The following TICAM1 variants were observed in gnomAD, a reference collection of about 807,000 sequenced individuals.
TICAM1 encodes the protein TIR domain containing adaptor molecule 1, also known as TIR domain-containing adapter molecule 1.
For missense variants in TICAM1, 895 were observed against 938.2 expected (o/e 0.95, Z 0.60); for synonymous variants, 439 against 415.4 (o/e 1.06, Z -0.69).
chr19:4,828,705 T>C (rs1253339394), intron 1 of TICAM1, among the ~76,000 whole-genome samples: 1 of 139,322 alleles, frequency 7.2e-6, no homozygotes, highest in African/African-American at 2.8e-5. Context: ...AGATAATCTT[T>C]TTTTTTTTTT....
intron 1 of TICAM1, among the ~76,000 whole-genome samples, chr19:4,819,466 G>A (rs943458885): frequency 1.3e-5 from 2 of 152,216 alleles, no homozygotes; most frequent in African/African-American, 4.8e-5. Flanking sequence ...TGTGGAGGCT[G>A]TGTGCCTAAT....
At position 4,817,736 on chromosome 19, in the gene TICAM1, G is replaced by A. The variant is rs762106344; in HGVS notation, c.642C>T (p.Thr214=). 1.2e-6 allele frequency: 2 copies of A among 1,601,832 alleles called. No homozygotes were observed. The highest frequency in any genetic ancestry group is 1.3e-5 in the African/African-American group (1 of 74,976). ...ASNLEISQSP[T]MPFLSLHRSP... is the part of the protein sequence containing the mutation. ...TGCGGTGCAGGCTGAGGAAGGGCAT[G>A]GTAGGGGACTGGCTGATTTCCAAGT... The change falls in exon 2 of 2, where the codon ACC becomes ACT. Residue 214 remains threonine (T), a synonymous_variant. Coordinates refer to ENST00000248244, the MANE Select transcript of TICAM1 (RefSeq NM_182919.4). The surrounding 1 kb of genome is among the most constrained non-coding windows in gnomAD (Gnocchi z 4.7).
In TICAM1 at chr19:4,817,799, G is replaced by A. The variant is rs1362028513; in HGVS notation, c.579C>T (p.Ser193=). 1.3e-6 allele frequency: 2 copies of A among 1,599,066 alleles called. No individual in the cohort carries two copies. The highest frequency in any genetic ancestry group is 1.1e-5 in the South Asian group (1 of 89,682). ...DGVSDWSQGC[S]LRSTGSPASL... ...AGGCAGGGCTGCCAGTGGATCGCAGGGAGCACCCTTGGCTCCAGTCCGAAA... is the reference window on the plus strand; with the variant it reads ...AGGCAGGGCTGCCAGTGGATCGCAGAGAGCACCCTTGGCTCCAGTCCGAAA... Residue 193 remains serine, a synonymous_variant, in exon 2 of 2, where the codon TCC becomes TCT. Coordinates refer to ENST00000248244, the MANE Select transcript of TICAM1 (RefSeq NM_182919.4). This position sits in a 1 kb window ranked among gnomAD's most constrained non-coding sequence, Gnocchi z 4.7.
intron 1 of TICAM1, among the ~76,000 whole-genome samples, chr19:4,829,589 C>T (rs1196137100): frequency 1.3e-5 from 2 of 152,092 alleles, no homozygotes; most frequent in African/African-American, 4.8e-5. Flanking sequence ...TTCTCAGCCT[C>T]AGCTTCCTCA....
intron 1 of TICAM1, among the ~76,000 whole-genome samples, chr19:4,820,835 G>T (rs1289293876): frequency 6.6e-6 from 1 of 152,038 alleles, no homozygotes; most frequent in East Asian, 1.9e-4. Context: ...AGTGAGCCGA[G>T]ATCGTGCCAC....
intron 1 of TICAM1, among the ~76,000 whole-genome samples, chr19:4,827,715 G>T (rs931623363): frequency 6.7e-6 from 1 of 148,240 alleles, no homozygotes; most frequent in Non-Finnish European, 1.5e-5. Flanking sequence ...CCGAGTTGGT[G>T]CCACTGCACT....
chr19:4,828,726 C>T (rs1232211909), intron 1 of TICAM1, among the ~76,000 whole-genome samples: 2 of 141,822 alleles, frequency 1.4e-5, no homozygotes, highest in Admixed American at 1.4e-4. Flanking sequence ...TTTTCTGAGA[C>T]CGAATCTCCC....
intron 1 of TICAM1, among the ~76,000 whole-genome samples, chr19:4,828,124 A>AC (rs1555731196): frequency 1.2e-3 from 188 of 151,322 alleles, no homozygotes; most frequent in African/African-American, 4.5e-3. Context: ...TGTTTTTTTT[A>AC]TTTTTTTTGA....
chr19:4,817,612 G>A lies in TICAM1; in HGVS notation c.766C>T (p.Pro256Ser), dbSNP rs2093589175. 2 of 1,597,798 alleles carry A rather than the reference G, an allele frequency of 1.3e-6. No individual in the cohort carries two copies. The highest frequency in any genetic ancestry group is 1.7e-6 in the Non-Finnish European group (2 of 1,172,564). ...GCQEPEEMSW[P>S]PSGEIASPPE... is the part of the protein sequence containing the mutation. ...GGGCTGGCAATCTCCCCCGATGGCG[G>A]CCAGCTCATCTCCTCAGGCTCCTGG... Residue 256 changes from proline to serine, a missense_variant, in exon 2 of 2, where the codon CCG becomes TCG. Pro to Ser is a moderately conservative substitution (Grantham distance 74). Coordinates refer to ENST00000248244, the MANE Select transcript of TICAM1 (RefSeq NM_182919.4). This position sits in a 1 kb window ranked among gnomAD's most constrained non-coding sequence, Gnocchi z 4.7.
chr19:4,820,191 C>T (rs1021796341), intron 1 of TICAM1, among the ~76,000 whole-genome samples: 6 of 151,778 alleles, frequency 4.0e-5, no homozygotes, highest in Admixed American at 2.0e-4. Context: ...GAGGCTGAGG[C>T]GGGCAAATCA....
intron 1 of TICAM1, among the ~76,000 whole-genome samples, chr19:4,825,436 C>G (rs958707671): frequency 1.3e-5 from 2 of 152,036 alleles, no homozygotes; most frequent in African/African-American, 4.8e-5. Flanking sequence ...GACTGGGTCT[C>G]CCCATGTTGC....
At position 4,822,745 on chromosome 19, in the gene TICAM1, T is replaced by A. The variant is rs139381507; in HGVS notation, c.-139-4229A>T. Among the ~76,000 whole-genome samples the A allele has an allele frequency of 5.4e-3, 816 of 152,286 alleles. 7 individuals are homozygous for A. The highest frequency in any genetic ancestry group is 0.019 in the African/African-American group (778 of 41,558). On this transcript the variant is annotated intron_variant, in intron 1 of 1. Transcript: ENST00000248244. ...TATGAGACAGGCATGTGATTTTTTT[T>A]ATTTTCCATTCCACAGAGGGGCAAA...
At position 4,829,805 on chromosome 19, in the gene TICAM1, C is replaced by CTT. The variant is rs539314470; in HGVS notation, c.-140+1807_-140+1808dup. Among the ~76,000 whole-genome samples, 187 of 87,602 alleles carry CTT rather than the reference C, an allele frequency of 2.1e-3. 1 individual carries two copies. Among genetic ancestry groups the CTT allele is most frequent in the Non-Finnish European group, 2.1e-3 (98 of 46,654 alleles). The allele number at this position is 87,602 out of a possible 152,430, so 57.5% of individuals were successfully genotyped here. On this transcript the variant is annotated intron_variant, in intron 1 of 1. Transcript: ENST00000248244. ...AAATTTTTGATTTTTAATTTCATTT[C>CTT]TTTTTTTTTTTTTTTTTTTTTTTGA...
At chr19:4,822,418 C>T (rs111946740) in intron 1 of TICAM1, among the ~76,000 whole-genome samples, 2 of 149,316 alleles carry the variant, frequency 1.3e-5, no homozygotes, top group Non-Finnish European at 3.0e-5. Flanking sequence ...AATTTTTGTA[C>T]TTTTTATAGA....
chr19:4,823,381 C>T (rs1015839392), intron 1 of TICAM1, among the ~76,000 whole-genome samples: 3 of 148,664 alleles, frequency 2.0e-5, no homozygotes, highest in African/African-American at 7.5e-5. Flanking sequence ...AGGAGAATGG[C>T]GTGAACCTGG....
At position 4,817,553 on chromosome 19, in the gene TICAM1, A is replaced by G. The variant is rs751654165; in HGVS notation, c.825T>C (p.Leu275=). 5.6e-6 allele frequency: 9 copies of G among 1,613,014 alleles called. 1 individual carries two copies. In the South Asian group the frequency reaches 9.9e-5, roughly 18 times the overall value. The change falls in exon 2 of 2, where the codon CTT becomes CTC. Residue 275 remains leucine, a synonymous_variant. Coordinates refer to ENST00000248244, the MANE Select transcript of TICAM1 (RefSeq NM_182919.4). The surrounding 1 kb of genome is among the most constrained non-coding windows in gnomAD (Gnocchi z 4.7). ...PELPSSPPPG[L]PEVAPDATST... Reference sequence around the variant, plus strand: ...AGGTTGCATCTGGGGCCACTTCGGGAAGCCCAGGAGGTGGGCTGCTTGGCA... The same window carrying G: ...AGGTTGCATCTGGGGCCACTTCGGGGAGCCCAGGAGGTGGGCTGCTTGGCA...
intron 1 of TICAM1, among the ~76,000 whole-genome samples, chr19:4,821,495 C>T (rs537095863): frequency 6.6e-6 from 1 of 152,252 alleles, no homozygotes; most frequent in African/African-American, 2.4e-5. Flanking sequence ...AGGACCTTTG[C>T]ACTGGCTGTT....
At chr19:4,820,566 T>C (rs1342673872) in intron 1 of TICAM1, among the ~76,000 whole-genome samples, 1 of 149,694 alleles carries the variant, frequency 6.7e-6, no homozygotes, top group Non-Finnish European at 1.5e-5. Context: ...ATTCATTCAT[T>C]TAAGAAGTAA....
At chr19:4,824,095 C>T (rs898102150) in intron 1 of TICAM1, among the ~76,000 whole-genome samples, 1 of 152,146 alleles carries the variant, frequency 6.6e-6, no homozygotes, top group South Asian at 2.1e-4. Context: ...TGCCACCCCC[C>T]TCTCCTGGGT....
Sources: gnomAD v4.1 joint callset for allele counts (sites outside exome capture counted in the v4.1 genomes callset) on GRCh38, gnomAD v4.1.1 for gene constraint, Gnocchi (gnomAD v3.1) non-coding constraint, MANE v1.5 for transcripts, NCBI Gene and HGNC (gene_info 2026-07-23, HGNC 2026-07-21) for gene names.